DSCAM: variants seen among roughly 807,000 people sequenced by gnomAD.
The protein encoded by DSCAM is DS cell adhesion molecule, also known as cell adhesion molecule DSCAM.
A neutral mutation model predicts 217.7 loss-of-function variants in DSCAM; 47 were observed. The ratio of observed to expected loss-of-function variants is 0.22; its 90% CI spans 0.17 to 0.28. DSCAM has a LOEUF of 0.28. Among genes scored for constraint, DSCAM ranks in the 10% least tolerant of loss-of-function variants. DSCAM has a pLI of 1.00. For synonymous variants in DSCAM, 1,056 were observed against 1,015.3 expected, an observed-to-expected ratio of 1.04 and a Z score of -0.76; for missense variants, 2,080 against 2,618.3, an observed-to-expected ratio of 0.79 and a Z score of 4.49.
intron 32 of DSCAM, among the ~76,000 whole-genome samples, chr21:40,027,013 A>G (rs1413587370): frequency 5.3e-5 from 8 of 152,302 alleles, no homozygotes; most frequent in Non-Finnish European, 8.8e-5. Context: ...AGTGGCTGGT[A>G]CCGGTTGTTC....
intron 1 of DSCAM, among the ~76,000 whole-genome samples, chr21:40,784,836 C>T (rs1252412954): frequency 6.6e-6 from 1 of 152,196 alleles, no homozygotes; most frequent in Non-Finnish European, 1.5e-5. Flanking sequence ...GACTTTCAGC[C>T]TCCAGTACTG....
chr21:40,833,051 G>C (rs775623855), intron 1 of DSCAM, among the ~76,000 whole-genome samples: 1 of 152,022 alleles, frequency 6.6e-6, no homozygotes, highest in African/African-American at 2.4e-5. Flanking sequence ...AAAATAAACC[G>C]AGAACACCCC....
At chr21:40,019,927 C>G (rs561606019) in intron 32 of DSCAM, among the ~76,000 whole-genome samples, 1 of 152,272 alleles carries the variant, frequency 6.6e-6, no homozygotes, top group African/African-American at 2.4e-5. Context: ...CCCCCTTCCC[C>G]TTCTCCCTCC....
chr21:40,738,516 A>G (rs546880721), intron 1 of DSCAM, among the ~76,000 whole-genome samples: 15 of 152,278 alleles, frequency 9.9e-5, no homozygotes, highest in Admixed American at 5.2e-4. Flanking sequence ...AGTGTTCATG[A>G]TTGGTGGGTG....
At chr21:40,557,131 G>T (rs1601742085) in intron 3 of DSCAM, among the ~76,000 whole-genome samples, 1 of 152,188 alleles carries the variant, frequency 6.6e-6, no homozygotes, top group East Asian at 1.9e-4. Flanking sequence ...TACTGCTATG[G>T]TGTGGATGTG....
chr21:40,627,757 G>A (rs987873912), intron 3 of DSCAM, among the ~76,000 whole-genome samples: 1 of 152,160 alleles, frequency 6.6e-6, no homozygotes, highest in Non-Finnish European at 1.5e-5. Context: ...TGAAAGCTCC[G>A]ATTTGGAGAA....
At chr21:40,497,466 G>A (rs947608975) in intron 3 of DSCAM, among the ~76,000 whole-genome samples, 1 of 151,950 alleles carries the variant, frequency 6.6e-6, no homozygotes, top group African/African-American at 2.4e-5. Context: ...CAGGGGTGGG[G>A]GCAGGGGTGG....
intron 17 of DSCAM, 128 bp from the exon 18 acceptor site, chr21:40,142,832 G>A: frequency 9.3e-7 from 1 of 1,072,732 alleles, no homozygotes; most frequent in African/African-American, 1.6e-5. Context: ...CAAAATGAAA[G>A]AAAAAATAAC....
At chr21:40,665,616 C>G (rs1361373326) in intron 3 of DSCAM, among the ~76,000 whole-genome samples, 1 of 152,170 alleles carries the variant, frequency 6.6e-6, no homozygotes, top group Admixed American at 6.5e-5. Flanking sequence ...CAGCAGGTCT[C>G]ACAATTGTAA....
intron 3 of DSCAM, among the ~76,000 whole-genome samples, chr21:40,408,542 A>G (rs1014207121): frequency 2.0e-5 from 3 of 152,118 alleles, no homozygotes; most frequent in East Asian, 1.9e-4. Context: ...TGAAAATTGA[A>G]TATCTTTTAT....
At chr21:40,573,243 C>A (rs1188442200) in intron 3 of DSCAM, among the ~76,000 whole-genome samples, 6 of 152,020 alleles carry the variant, frequency 3.9e-5, no homozygotes, top group Admixed American at 2.6e-4. Flanking sequence ...GAGGCTGAGG[C>A]AGGAGAATGG....
At chr21:40,043,530 G>A (rs1011727931) in intron 31 of DSCAM, among the ~76,000 whole-genome samples, 7 of 152,144 alleles carry the variant, frequency 4.6e-5, no homozygotes, top group South Asian at 2.1e-4. Context: ...TGGGCAACCC[G>A]GTGCTATTCT....
intron 32 of DSCAM, among the ~76,000 whole-genome samples, chr21:40,020,360 C>T (rs947125448): frequency 7.2e-5 from 11 of 152,180 alleles, no homozygotes; most frequent in Admixed American, 2.6e-4. Flanking sequence ...TTCCTTCCTT[C>T]CTTCTTTTCC....
At chr21:40,259,304 A>T (rs1052566549) in intron 11 of DSCAM, among the ~76,000 whole-genome samples, 1 of 150,652 alleles carries the variant, frequency 6.6e-6, no homozygotes, top group Non-Finnish European at 1.5e-5. Flanking sequence ...CAGCAGTGTC[A>T]TGGAGGAAAC....
At chr21:40,803,186 C>A (rs1569043937) in intron 1 of DSCAM, among the ~76,000 whole-genome samples, 1 of 152,198 alleles carries the variant, frequency 6.6e-6, no homozygotes, top group African/African-American at 2.4e-5. Flanking sequence ...GCTGAAATCT[C>A]ATATGTTTTT....
intron 6 of DSCAM, among the ~76,000 whole-genome samples, chr21:40,345,604 C>T (rs1416793788): frequency 1.3e-5 from 2 of 152,042 alleles, no homozygotes; most frequent in Non-Finnish European, 2.9e-5. Context: ...AGGAAATATT[C>T]TCAGATTCTC....
At chr21:40,701,031 C>T (rs577373306) in intron 2 of DSCAM, among the ~76,000 whole-genome samples, 2 of 152,194 alleles carry the variant, frequency 1.3e-5, no homozygotes, top group African/African-American at 4.8e-5. Flanking sequence ...AGCCACTGTG[C>T]CTGGCCAAAA....
At chr21:40,491,448 C>T (rs1056777792) in intron 3 of DSCAM, among the ~76,000 whole-genome samples, 20 of 152,002 alleles carry the variant, frequency 1.3e-4, no homozygotes, top group Non-Finnish European at 1.8e-4. Flanking sequence ...TGTTGCACGC[C>T]ACCCCCACCC....
intron 10 of DSCAM, among the ~76,000 whole-genome samples, chr21:40,286,066 G>A (rs1044783858): frequency 1.3e-5 from 2 of 152,182 alleles, no homozygotes; most frequent in Non-Finnish European, 2.9e-5. Context: ...CATGGTGAGA[G>A]CACTGAATAG....
Sources: gnomAD v4.1 joint callset for allele counts (sites outside exome capture counted in the v4.1 genomes callset) on GRCh38, gnomAD v4.1.1 for gene constraint, MANE v1.5 for transcripts, NCBI Gene and HGNC (gene_info 2026-07-23, HGNC 2026-07-21) for gene names.